The following FHIT variants were observed in gnomAD, a reference collection of about 807,000 sequenced individuals.
FHIT encodes bis(5'-adenosyl)-triphosphatase.
Under a neutral mutation model 17.9 loss-of-function variants are expected in FHIT, and 19 were observed. The ratio of observed to expected loss-of-function variants is 1.06; its 90% confidence interval spans 0.74 to 1.56. The LOEUF (loss-of-function observed/expected upper bound fraction) is 1.56, where lower values mean the gene tolerates loss of function less well. Among genes scored for constraint, FHIT ranks in the 40% most tolerant of loss-of-function variants. The pLI is 0.00. For missense variants in FHIT, 248 were observed against 189.2 expected (o/e 1.31, Z -1.82); for synonymous variants, 81 against 69.7 (o/e 1.16, Z -0.81).
At chr3:60,104,207 T>G (rs993800791) in intron 5 of FHIT, among the ~76,000 whole-genome samples, 14 of 152,224 alleles carry the variant, frequency 9.2e-5, no homozygotes, top group South Asian at 2.1e-4. Context: ...CCTTTAGTTG[T>G]TACCCCTGAG....
intron 1 of FHIT, among the ~76,000 whole-genome samples, chr3:61,237,322 T>C (rs2040257098): frequency 6.6e-6 from 1 of 152,224 alleles, no homozygotes; most frequent in South Asian, 2.1e-4. Context: ...CTAATGAGAA[T>C]CTTAAGTGTT....
chr3:59,971,756 G>A (rs931860490), intron 7 of FHIT, among the ~76,000 whole-genome samples: 2 of 152,050 alleles, frequency 1.3e-5, no homozygotes, highest in Non-Finnish European at 2.9e-5. Context: ...TATGACCTTG[G>A]GCAAGATACG....
intron 5 of FHIT, among the ~76,000 whole-genome samples, chr3:60,305,955 T>C (rs1258471105): frequency 1.3e-5 from 2 of 152,180 alleles, no homozygotes; most frequent in African/African-American, 4.8e-5. Context: ...TCTACCTTAA[T>C]TCTTAATGTT....
chr3:59,860,187 G>C (rs919186694), intron 8 of FHIT, among the ~76,000 whole-genome samples: 3 of 152,144 alleles, frequency 2.0e-5, no homozygotes, highest in Non-Finnish European at 2.9e-5. Flanking sequence ...AAGTTTAATG[G>C]GAAAATTATG....
intron 2 of FHIT, among the ~76,000 whole-genome samples, chr3:61,059,768 C>T (rs6446183): frequency 0.6 from 91,142 of 152,044 alleles, 28,203 homozygotes; most frequent in Non-Finnish European, 0.65. Context: ...CTTGCATTAG[C>T]CCATTCTTGC....
At chr3:60,451,097 A>G (rs1408072310) in intron 5 of FHIT, among the ~76,000 whole-genome samples, 3 of 152,190 alleles carry the variant, frequency 2.0e-5, no homozygotes, top group Non-Finnish European at 2.9e-5. Context: ...AAACATCGGT[A>G]AAACAACAAC....
At chr3:60,090,480 T>C (rs1435648033) in intron 5 of FHIT, among the ~76,000 whole-genome samples, 2 of 152,158 alleles carry the variant, frequency 1.3e-5, no homozygotes, top group Non-Finnish European at 2.9e-5. Flanking sequence ...GCTGGGAGCA[T>C]TTTCTTTACG....
At chr3:60,928,923 T>G (rs1553770845) in intron 3 of FHIT, among the ~76,000 whole-genome samples, 1 of 152,054 alleles carries the variant, frequency 6.6e-6, no homozygotes, top group East Asian at 1.9e-4. Context: ...AAAAGACAAT[T>G]TTAGACCAAT....
chr3:60,686,793 GA>G, intron 4 of FHIT, among the ~76,000 whole-genome samples: 1 of 152,280 alleles, frequency 6.6e-6, no homozygotes, highest in Middle Eastern at 3.4e-3. Flanking sequence ...CAGAAAGACT[GA>G]GCTTCCTACA....
chr3:61,111,363 TC>T (rs1245908943), intron 2 of FHIT, among the ~76,000 whole-genome samples: 7 of 152,336 alleles, frequency 4.6e-5, no homozygotes, highest in African/African-American at 1.7e-4. Flanking sequence ...TCATTTTTTT[TC>T]ATCTATAAAA....
At chr3:60,140,572 T>A (rs902354188) in intron 5 of FHIT, among the ~76,000 whole-genome samples, 51 of 123,396 alleles carry the variant, frequency 4.1e-4, no homozygotes, top group Non-Finnish European at 7.0e-4. Flanking sequence ...AGACACAGAC[T>A]CTATTTTTTT....
chr3:60,971,992 A>T (rs1309265729), intron 3 of FHIT, among the ~76,000 whole-genome samples: 1 of 152,158 alleles, frequency 6.6e-6, no homozygotes, highest in East Asian at 1.9e-4. Flanking sequence ...AATCGGTTAT[A>T]ATTATTCTTA....
intron 4 of FHIT, among the ~76,000 whole-genome samples, chr3:60,543,075 A>G (rs1218866559): frequency 2.0e-5 from 3 of 152,310 alleles, no homozygotes; most frequent in East Asian, 1.9e-4. Context: ...CAGACGCTGT[A>G]GAACAAAGGT....
At chr3:60,842,326 C>T (rs1169230865) in intron 3 of FHIT, among the ~76,000 whole-genome samples, 2 of 151,252 alleles carry the variant, frequency 1.3e-5, no homozygotes, top group Non-Finnish European at 2.9e-5. Context: ...CATGTCTAGA[C>T]AGTATTGATC....
At position 60,450,269 on chromosome 3, in the gene FHIT, T is replaced by G. The variant is rs548819552; in HGVS notation, c.103+86591A>C. Among the ~76,000 whole-genome samples, 3 of 152,100 alleles carry G rather than the reference T, an allele frequency of 2.0e-5. 1 individual carries two copies. The East Asian group carries it at 5.8e-4, about 29-fold the overall frequency. On this transcript the variant is annotated intron_variant, in intron 5 of 9. Coordinates refer to ENST00000492590, the MANE Select transcript of FHIT (RefSeq NM_002012.4). ...GACATTACAATGTCTACGTCAACAC[T>G]GGGCAATAGGAATTTTTCAACTCCA...
rs144793447 is a variant in FHIT at position 60,421,297 on chromosome 3, C to A, written c.103+115563G>T. On this transcript the variant is annotated intron_variant, in intron 5 of 9. Coordinates refer to ENST00000492590, the MANE Select transcript of FHIT (RefSeq NM_002012.4). ...CTGATTTACTGTATCTAATCTCATT[C>A]CCTCCCTGGATTCTGAACCCCATCC... 1.4e-3 allele frequency among the ~76,000 whole-genome samples: 211 copies of A among 152,114 alleles called. 1 individual carries two copies. The highest frequency in any genetic ancestry group is 4.7e-3 in the African/African-American group (194 of 41,526).
intron 4 of FHIT, among the ~76,000 whole-genome samples, chr3:60,548,180 G>C (rs1341603226): frequency 6.6e-6 from 1 of 151,542 alleles, no homozygotes. Context: ...TCTTCATAGA[G>C]AATATTATTC....
At chr3:59,842,535 C>G (rs187107737) in intron 8 of FHIT, among the ~76,000 whole-genome samples, 1 of 152,260 alleles carries the variant, frequency 6.6e-6, no homozygotes, top group East Asian at 1.9e-4. Context: ...CTCCCACCAA[C>G]AGTGCACATG....
intron 2 of FHIT, among the ~76,000 whole-genome samples, chr3:61,159,877 G>A (rs2037637796): frequency 6.6e-6 from 1 of 152,164 alleles, no homozygotes; most frequent in South Asian, 2.1e-4. Flanking sequence ...CTGAAATCAT[G>A]TGCAAAATGG....
Sources: gnomAD v4.1 joint callset for allele counts (sites outside exome capture counted in the v4.1 genomes callset) on GRCh38, gnomAD v4.1.1 for gene constraint, MANE v1.5 for transcripts, NCBI Gene and HGNC (gene_info 2026-07-23, HGNC 2026-07-21) for gene names.